DNA2: variants seen among roughly 807,000 people sequenced by gnomAD.
DNA2 encodes DNA replication helicase/nuclease 2.
DNA2 carries 101 observed loss-of-function variants against 119.1 expected under a neutral mutation model. The ratio of observed to expected loss-of-function variants is 0.85; its 90% CI spans 0.72 to 1.00. The LOEUF is 1.00. Ranked by LOEUF, DNA2 falls within the 50% of genes least tolerant of loss-of-function variation. The probability of loss-of-function intolerance (pLI) is 0.00; values close to 1 mark genes in which losing one functional copy is unlikely to be tolerated. For missense variants in DNA2, 1,121 were observed against 1,255.5 expected (o/e 0.89, Z 1.62); for synonymous variants, 366 against 424.4 (o/e 0.86, Z 1.69).
intron 8 of DNA2, among the ~76,000 whole-genome samples, chr10:68,443,605 G>A (rs886095698): frequency 6.6e-6 from 1 of 152,108 alleles, no homozygotes; most frequent in East Asian, 1.9e-4. Flanking sequence ...ACTTCCTACG[G>A]TTCACAGTCC....
chr10:68,419,973 A>G, intron 17 of DNA2, 81 bp from the exon 18 acceptor site: 2 of 1,074,368 alleles, frequency 1.9e-6, no homozygotes, highest in East Asian at 4.8e-5. Context: ...TAAAGACTAT[A>G]CTACCGACTT....
chr10:68,417,637 A>G (rs887711330), intron 19 of DNA2, among the ~76,000 whole-genome samples: 1 of 143,056 alleles, frequency 7.0e-6, no homozygotes, highest in African/African-American at 2.5e-5. Context: ...TGGGTAACAG[A>G]GCCAGATCTC....
intron 9 of DNA2, among the ~76,000 whole-genome samples, chr10:68,442,687 T>C (rs2051985801): frequency 6.6e-6 from 1 of 152,238 alleles, no homozygotes; most frequent in African/African-American, 2.4e-5. Context: ...TTGAGGTATA[T>C]TTAGTCTACT....
chr10:68,430,727 T>C (rs1306927702), intron 13 of DNA2, 67 bp from the exon 14 acceptor site: 1 of 1,207,196 alleles, frequency 8.3e-7, no homozygotes, highest in East Asian at 2.6e-5. Context: ...TTTTAACATG[T>C]TTATAAACTT....
Position 68,446,376 on chromosome 10 carries a change from G to C in DNA2, c.977C>G (p.Ala326Gly). 6.3e-7 allele frequency: 1 copy of C among 1,596,140 alleles called. No homozygotes were observed. Among genetic ancestry groups the C allele is most frequent in the Non-Finnish European group, 8.5e-7 (1 of 1,170,858 alleles). ...GAGAAGCAAGCCAGCCTCTGGATCA[G>C]CTCTTCTCTCTTGGCTTAGTAGAGT... ...LYTLLSQERR[A>G]DPEAGLLLYL... Residue 326 changes from alanine to glycine, a missense_variant, in exon 7 of 21, where the codon GCT becomes GGT. Physicochemically the swap from Ala to Gly is moderately conservative, Grantham distance 60 (BLOSUM62 0). Transcript: ENST00000358410.
intron 1 of DNA2, chr10:68,470,624 AAAAG>A (rs1564900478): frequency 2.2e-6 from 1 of 451,574 alleles, no homozygotes; most frequent in Non-Finnish European, 4.4e-6. Context: ...TGGCGGAGAA[AAAAG>A]AAAGGAAAGT....
At chr10:68,425,088 CTTTTTTTTT>C (rs60065153) in intron 14 of DNA2, 8 of 131,374 alleles carry the variant, frequency 6.1e-5, no homozygotes, top group East Asian at 4.6e-4. Flanking sequence ...TGGAACATTT[CTTTTTTTTT>C]TTTTTTTTTT....
At chr10:68,424,400 G>A (rs747164392) in intron 14 of DNA2, among the ~76,000 whole-genome samples, 11 of 151,804 alleles carry the variant, frequency 7.2e-5, no homozygotes, top group African/African-American at 1.2e-4. Context: ...CCTACTTGGA[G>A]GGCTGAGGCA....
intron 3 of DNA2, among the ~76,000 whole-genome samples, chr10:68,467,847 TTTC>T (rs1453600954): frequency 2.6e-5 from 4 of 152,174 alleles, no homozygotes; most frequent in African/African-American, 9.7e-5. Flanking sequence ...TTAAATTAAT[TTTC>T]TTATTATAAT....
rs1030876937 is a variant in DNA2 at position 68,419,325 on chromosome 10, C to T, written c.2788-112G>A. ...GTGCCCAACTGATGTTTATAACAAACTTTCCTATCTCAAAGACTGAATACA... is the reference window on the plus strand; with the variant it reads ...GTGCCCAACTGATGTTTATAACAAATTTTCCTATCTCAAAGACTGAATACA... On this transcript the variant is annotated intron_variant, in intron 18 of 20. Transcript: ENST00000358410. 4.7e-5 allele frequency: 38 copies of T among 804,694 alleles called. No individual in the cohort carries two copies. In the African/African-American group the frequency reaches 6.2e-4, roughly 13 times the overall value. 49.8% of individuals were successfully genotyped at this position (804,694 alleles called of 1,614,324 possible).
chr10:68,452,979 C>A (rs886449775), intron 5 of DNA2, among the ~76,000 whole-genome samples: 27 of 151,584 alleles, frequency 1.8e-4, no homozygotes, highest in Admixed American at 1.7e-3. Flanking sequence ...CGGCTCACTG[C>A]AACTTCCACC....
At chr10:68,456,546 T>C (rs1233018755) in intron 5 of DNA2, among the ~76,000 whole-genome samples, 1 of 152,010 alleles carries the variant, frequency 6.6e-6, no homozygotes, top group East Asian at 2.0e-4. Context: ...CCCGAGTAGC[T>C]GGGATTACAG....
chr10:68,424,721 G>A, intron 14 of DNA2: 1 of 1,593,036 alleles, frequency 6.3e-7, no homozygotes, highest in Non-Finnish European at 8.6e-7. Flanking sequence ...AGGACGACGA[G>A]GTCCAGGTAG....
chr10:68,427,537 TACTC>T (rs1395546772), intron 14 of DNA2, among the ~76,000 whole-genome samples: 1 of 151,362 alleles, frequency 6.6e-6, no homozygotes, highest in Non-Finnish European at 1.5e-5. Context: ...TAGTTCTAGT[TACTC>T]AGGAGGCTGA....
At chr10:68,418,994 A>C in intron 19 of DNA2, 40 bp downstream of exon 19, 1 of 1,534,316 alleles carries the variant, frequency 6.5e-7, no homozygotes, top group Non-Finnish European at 8.8e-7. Context: ...AAGAGAGAGA[A>C]ATGCCCCAAA....
intron 5 of DNA2, among the ~76,000 whole-genome samples, chr10:68,456,961 C>G (rs764535314): frequency 6.6e-6 from 1 of 151,592 alleles, no homozygotes; most frequent in African/African-American, 2.4e-5. Context: ...GGTGAAACCC[C>G]GGCTCTACTA....
chr10:68,428,319 C>A (rs1410694086), intron 14 of DNA2, among the ~76,000 whole-genome samples: 2 of 152,078 alleles, frequency 1.3e-5, no homozygotes, highest in Non-Finnish European at 2.9e-5. Flanking sequence ...AAGCGAGACT[C>A]CGTCTCAAAA....
chr10:68,428,133 C>T (rs1332150423), intron 14 of DNA2, among the ~76,000 whole-genome samples: 3 of 151,818 alleles, frequency 2.0e-5, no homozygotes, highest in Non-Finnish European at 4.4e-5. Context: ...TGAGACCATC[C>T]TGGCTAACAT....
chr10:68,471,779 CT>C lies in DNA2; in HGVS notation c.74+11del, dbSNP rs781013510. On this transcript the variant is annotated intron_variant, in intron 1 of 20. Coordinates refer to ENST00000358410, the MANE Select transcript of DNA2 (RefSeq NM_001080449.3). Reference sequence around the variant, plus strand: ...CCGCTTTGTTCCCACACCCTCCCCCCTCTCCGCTCACAGCTCCGCCGGCAGC... The same window carrying C: ...CCGCTTTGTTCCCACACCCTCCCCCCCTCCGCTCACAGCTCCGCCGGCAGC... The C allele has an allele frequency of 5.0e-6, 8 of 1,590,850 alleles. No homozygotes were observed. Among genetic ancestry groups the C allele is most frequent in the Non-Finnish European group, 6.8e-6 (8 of 1,169,240 alleles).
Sources: gnomAD v4.1 joint callset for allele counts (sites outside exome capture counted in the v4.1 genomes callset) on GRCh38, gnomAD v4.1.1 for gene constraint, MANE v1.5 for transcripts, NCBI Gene and HGNC (gene_info 2026-07-23, HGNC 2026-07-21) for gene names.